PTPRG: variants seen among roughly 807,000 people sequenced by gnomAD.
The protein encoded by PTPRG is protein tyrosine phosphatase receptor type G.
Under a neutral mutation model 165.3 loss-of-function variants are expected in PTPRG, and 102 were observed. That is an observed-to-expected ratio of 0.62 (90% CI 0.53 to 0.73). The LOEUF (loss-of-function observed/expected upper bound fraction) is 0.73, where lower values mean the gene tolerates loss of function less well. Ranked by LOEUF, PTPRG falls within the 30% of genes least tolerant of loss-of-function variation. The pLI is 0.00. For missense variants in PTPRG, 1,866 were observed against 1,861.4 expected, an observed-to-expected ratio of 1.00 and a Z score of -0.05; for synonymous variants, 675 against 669.5, an observed-to-expected ratio of 1.01 and a Z score of -0.13.
chr3:61,825,080 T>C (rs541942399), intron 2 of PTPRG, among the ~76,000 whole-genome samples: 7 of 152,274 alleles, frequency 4.6e-5, no homozygotes, highest in Non-Finnish European at 7.4e-5. Flanking sequence ...CCCTGACTCC[T>C]TTCTCCTCTA....
chr3:61,828,094 T>C (rs1195025353), intron 2 of PTPRG, among the ~76,000 whole-genome samples: 1 of 152,240 alleles, frequency 6.6e-6, no homozygotes, highest in Admixed American at 6.5e-5. Flanking sequence ...TACTGAGTCA[T>C]TGCGATATTT....
intron 2 of PTPRG, among the ~76,000 whole-genome samples, chr3:61,947,133 C>T (rs996830475): frequency 1.3e-5 from 2 of 152,122 alleles, no homozygotes; most frequent in African/African-American, 4.8e-5. Context: ...GATAATTAGT[C>T]CAGCTTAATC....
At chr3:61,602,986 G>C (rs1193902122) in intron 1 of PTPRG, among the ~76,000 whole-genome samples, 1 of 152,168 alleles carries the variant, frequency 6.6e-6, no homozygotes, top group African/African-American at 2.4e-5. Context: ...GGTGTGTGTG[G>C]TAGTATTACT....
intron 1 of PTPRG, among the ~76,000 whole-genome samples, chr3:61,586,856 A>G (rs1700446979): frequency 6.6e-6 from 1 of 152,130 alleles, no homozygotes; most frequent in Non-Finnish European, 1.5e-5. Context: ...TTTATTCCTT[A>G]TCATTTGTAG....
chr3:61,756,967 A>C (rs1171513787), intron 2 of PTPRG, among the ~76,000 whole-genome samples: 1 of 152,194 alleles, frequency 6.6e-6, no homozygotes, highest in Non-Finnish European at 1.5e-5. Flanking sequence ...TTCATCCAGC[A>C]CTTCTGCTTC....
At chr3:61,759,838 C>T (rs1246598752) in intron 2 of PTPRG, among the ~76,000 whole-genome samples, 1 of 151,114 alleles carries the variant, frequency 6.6e-6, no homozygotes, top group Non-Finnish European at 1.5e-5. Flanking sequence ...GAGTTTTGTA[C>T]TAATAGGTCT....
chr3:61,859,234 C>T (rs2037194227), intron 2 of PTPRG, among the ~76,000 whole-genome samples: 1 of 152,106 alleles, frequency 6.6e-6, no homozygotes, highest in South Asian at 2.1e-4. Context: ...ATTCATTGGT[C>T]ATTTATTACA....
At chr3:61,999,560 T>A (rs1452203298) in intron 3 of PTPRG, among the ~76,000 whole-genome samples, 1 of 152,230 alleles carries the variant, frequency 6.6e-6, no homozygotes, top group Non-Finnish European at 1.5e-5. Flanking sequence ...GTTTGTGCCT[T>A]ATCCAGATTC....
At chr3:61,772,058 TAAAAAAAAAAAAAAAAA>T (rs71100977) in intron 2 of PTPRG, among the ~76,000 whole-genome samples, 1 of 64,782 alleles carries the variant, frequency 1.5e-5, no homozygotes, top group Non-Finnish European at 2.8e-5. Context: ...AGACTCTGTC[TAAAAAAAAAAAAAAAAA>T]AAAAAAAAGA....
At position 62,297,607 on chromosome 3, in the gene PTPRG, G is replaced by A. The variant is rs1057438755; in HGVS notation, c.*4300G>A. 1 of 151,950 alleles carries A rather than the reference G, an allele frequency of 6.6e-6. No homozygotes were observed. Among genetic ancestry groups the A allele is most frequent in the African/African-American group, 2.4e-5 (1 of 41,366 alleles). 9.4% of individuals were successfully genotyped at this position (151,950 alleles called of 1,614,324 possible). A position where few individuals can be genotyped will look rare whatever the true frequency, so the allele number is the denominator to read the frequency against. ...CATAAAATAAAGTATGGTTTTTGAT[G>A]TATTCAGTAGTGTTGAGCATTTCTA... is the stretch of plus-strand genomic sequence containing the variant. On this transcript the variant is annotated 3_prime_UTR_variant, in exon 30 of 30. Transcript: ENST00000474889.
rs1363532882 is a variant in PTPRG, at chr3:61,981,766, A to G, written c.191-7859A>G. 3.3e-5 allele frequency among the ~76,000 whole-genome samples: 5 copies of G among 152,194 alleles called. No homozygotes were observed. The South Asian group carries it at 8.3e-4, about 25-fold the overall frequency. On this transcript the variant is annotated intron_variant, in intron 2 of 29. Transcript: ENST00000474889. ...CTCTTAGGAGCTTTAGAGGTGATCT[A>G]ATGTAACCCTGTAATTTACATGTAA... is the stretch of plus-strand genomic sequence containing the variant.
Position 62,289,290 on chromosome 3 carries a change from T to C in PTPRG, c.4056-3131T>C, listed in dbSNP as rs376789778. Among the ~76,000 whole-genome samples the C allele has an allele frequency of 7.2e-5, 11 of 152,324 alleles. No individual in the cohort carries two copies. In the East Asian group the frequency reaches 1.9e-3, roughly 27 times the overall value. ...AATACCTATAAGAGAACATGGCACATGAAGTACAACACACGTTAGTGATCA... is the reference window on the plus strand; with the variant it reads ...AATACCTATAAGAGAACATGGCACACGAAGTACAACACACGTTAGTGATCA... On this transcript the variant is annotated intron_variant, in intron 28 of 29. Transcript: ENST00000474889.
chr3:61,677,374 CTT>C (rs1703271113), intron 1 of PTPRG, among the ~76,000 whole-genome samples: 3 of 152,150 alleles, frequency 2.0e-5, no homozygotes, highest in African/African-American at 7.2e-5. Context: ...GGCAGTCTCT[CTT>C]ATTCTTCCCA....
chr3:61,923,473 C>T (rs912148079), intron 2 of PTPRG, among the ~76,000 whole-genome samples: 24 of 151,778 alleles, frequency 1.6e-4, no homozygotes, highest in Middle Eastern at 3.4e-3. Flanking sequence ...TTGTTACATA[C>T]GTATACATGT....
rs181691592 is a variant in PTPRG, at chr3:61,663,566, A to T, written c.86-85312A>T. Among the ~76,000 whole-genome samples the T allele has an allele frequency of 4.3e-3, 653 of 151,472 alleles. 5 individuals carry two copies. The highest frequency in any genetic ancestry group is 0.015 in the African/African-American group (632 of 41,232). On this transcript the variant is annotated intron_variant, in intron 1 of 29. Coordinates refer to ENST00000474889, the MANE Select transcript of PTPRG (RefSeq NM_002841.4). ...TTTCCATGGACCGGGGGTTGGGGGG[A>T]TGGTTTTGGGATGAGTCAAGTGCAT... is the stretch of plus-strand genomic sequence containing the variant.
At chr3:62,044,975 G>A (rs4688121) in intron 4 of PTPRG, among the ~76,000 whole-genome samples, 130,217 of 152,142 alleles carry the variant, frequency 0.86, 56,445 homozygotes, top group Non-Finnish European at 0.92. Flanking sequence ...GCATTGTGGT[G>A]GAGGAGAGGA....
At chr3:61,915,768 A>G (rs1410781610) in intron 2 of PTPRG, among the ~76,000 whole-genome samples, 1 of 152,232 alleles carries the variant, frequency 6.6e-6, no homozygotes, top group Admixed American at 6.5e-5. Flanking sequence ...AAGAAGACGC[A>G]ATCACAGAGG....
chr3:61,912,716 G>T (rs1230565580), intron 2 of PTPRG, among the ~76,000 whole-genome samples: 1 of 152,126 alleles, frequency 6.6e-6, no homozygotes, highest in Non-Finnish European at 1.5e-5. Flanking sequence ...TGGGAGGTTG[G>T]CATTTCTTTA....
At chr3:62,139,595 A>C (rs1447477268) in intron 6 of PTPRG, among the ~76,000 whole-genome samples, 1 of 152,194 alleles carries the variant, frequency 6.6e-6, no homozygotes, top group Non-Finnish European at 1.5e-5. Context: ...CAGTGAAAGG[A>C]CAAATAAGTT....
Sources: gnomAD v4.1 joint callset for allele counts (sites outside exome capture counted in the v4.1 genomes callset) on GRCh38, gnomAD v4.1.1 for gene constraint, MANE v1.5 for transcripts, NCBI Gene and HGNC (gene_info 2026-07-23, HGNC 2026-07-21) for gene names.